ZNF407: variants seen among roughly 807,000 people sequenced by gnomAD.
The protein encoded by ZNF407 is zinc finger protein 407.
Under a neutral mutation model 131.2 loss-of-function variants are expected in ZNF407, and 17 were observed. The ratio of observed to expected loss-of-function variants is 0.13; its 90% CI spans 0.09 to 0.19. ZNF407 has a LOEUF of 0.19. Ranked by LOEUF, ZNF407 falls within the 10% of genes least tolerant of loss-of-function variation. The pLI is 1.00. For synonymous variants in ZNF407, 1,156 were observed against 1,062.0 expected, an observed-to-expected ratio of 1.09 and a Z score of -1.72; for missense variants, 2,681 against 2,830.6, an observed-to-expected ratio of 0.95 and a Z score of 1.20.
At chr18:74,982,665 A>T (rs531300518) in intron 8 of ZNF407, among the ~76,000 whole-genome samples, 2 of 152,184 alleles carry the variant, frequency 1.3e-5, no homozygotes, top group African/African-American at 4.8e-5. Context: ...TAGGAGCGTC[A>T]CCTCTGTTTC....
At chr18:75,006,473 T>G (rs1025984222) in intron 8 of ZNF407, among the ~76,000 whole-genome samples, 3 of 152,228 alleles carry the variant, frequency 2.0e-5, no homozygotes, top group African/African-American at 7.2e-5. Flanking sequence ...TGAGAATTTG[T>G]GTAATCCTTT....
chr18:74,994,049 C>A (rs974356164), intron 8 of ZNF407, among the ~76,000 whole-genome samples: 1 of 152,136 alleles, frequency 6.6e-6, no homozygotes, highest in Non-Finnish European at 1.5e-5. Context: ...TGCTATAAAC[C>A]ACATTGTTGG....
intron 4 of ZNF407, among the ~76,000 whole-genome samples, chr18:74,869,616 T>C (rs1568248391): frequency 6.6e-6 from 1 of 152,208 alleles, no homozygotes; most frequent in Non-Finnish European, 1.5e-5. Flanking sequence ...TGGGTTCTTT[T>C]ACCCTGTATA....
At chr18:75,038,142 G>A (rs1390647255) in intron 8 of ZNF407, among the ~76,000 whole-genome samples, 1 of 152,164 alleles carries the variant, frequency 6.6e-6, no homozygotes, top group Non-Finnish European at 1.5e-5. Flanking sequence ...AAAACATAAA[G>A]CTTTGTGGGT....
At chr18:75,039,381 T>C (rs1041822933) in intron 8 of ZNF407, among the ~76,000 whole-genome samples, 4 of 152,158 alleles carry the variant, frequency 2.6e-5, no homozygotes, top group Admixed American at 2.6e-4. Flanking sequence ...AACGTGTGGA[T>C]CCTTCAAAGG....
intron 4 of ZNF407, among the ~76,000 whole-genome samples, chr18:74,848,360 A>G (rs1212887861): frequency 6.6e-6 from 1 of 152,182 alleles, no homozygotes; most frequent in African/African-American, 2.4e-5. Flanking sequence ...TCTTGAAGGA[A>G]TTGAAACAAT....
chr18:74,873,329 T>C (rs1971113139), intron 4 of ZNF407, among the ~76,000 whole-genome samples: 2 of 152,196 alleles, frequency 1.3e-5, no homozygotes, highest in Non-Finnish European at 2.9e-5. Context: ...TTTGACTCTG[T>C]TATCAATCAT....
chr18:74,829,462 C>T (rs1207026451), intron 4 of ZNF407, among the ~76,000 whole-genome samples: 3 of 152,132 alleles, frequency 2.0e-5, no homozygotes, highest in African/African-American at 7.2e-5. Context: ...TCCTGGATCT[C>T]GATTTGACTT....
At chr18:74,819,494 T>G (rs1385447202) in intron 4 of ZNF407, among the ~76,000 whole-genome samples, 1 of 152,204 alleles carries the variant, frequency 6.6e-6, no homozygotes, top group Non-Finnish European at 1.5e-5. Flanking sequence ...AATGTCTTCC[T>G]TGGGCACTGA....
intron 8 of ZNF407, among the ~76,000 whole-genome samples, chr18:75,060,948 G>C (rs1323003302): frequency 6.6e-6 from 1 of 152,212 alleles, no homozygotes; most frequent in Admixed American, 6.5e-5. Context: ...GCCTGAGTAA[G>C]AGCTGGGCCA....
At chr18:74,755,885 CTTTTTTTT>C (rs34750560) in intron 3 of ZNF407, among the ~76,000 whole-genome samples, 18 of 25,830 alleles carry the variant, frequency 7.0e-4, no homozygotes, top group Admixed American at 1.7e-3. Context: ...CTTTTCCTTC[CTTTTTTTT>C]TTTTTTTTTT....
chr18:74,922,079 A>G (rs1227885987), intron 8 of ZNF407, among the ~76,000 whole-genome samples: 2 of 152,248 alleles, frequency 1.3e-5, no homozygotes, highest in Non-Finnish European at 2.9e-5. Context: ...ACAAACAAAA[A>G]CAGAGGTCTC....
chr18:74,951,788 G>A (rs1972217180), intron 8 of ZNF407, among the ~76,000 whole-genome samples: 1 of 151,550 alleles, frequency 6.6e-6, no homozygotes, highest in Admixed American at 6.6e-5. Flanking sequence ...CTTTCTAAAT[G>A]AAAAGTAAAA....
intron 8 of ZNF407, among the ~76,000 whole-genome samples, chr18:75,039,827 C>T (rs1973352055): frequency 6.8e-6 from 1 of 146,830 alleles, no homozygotes; most frequent in African/African-American, 2.5e-5. Context: ...AAATCATAGT[C>T]ATAAAGAAAA....
At chr18:74,798,962 C>G (rs1209607237) in intron 4 of ZNF407, among the ~76,000 whole-genome samples, 10 of 151,848 alleles carry the variant, frequency 6.6e-5, no homozygotes, top group Admixed American at 6.6e-4. Flanking sequence ...GGTTTACTAC[C>G]TTTTGTCTTA....
At position 75,052,116 on chromosome 18, in the gene ZNF407, G is replaced by A. The variant is rs558981516; in HGVS notation, c.5429-11034G>A. On this transcript the variant is annotated intron_variant, in intron 8 of 8. Transcript: ENST00000299687. ...AACACCGCTAGCAGTGCTTGCATAC[G>A]TGTGCATGTCCACGAAGGCGTGTGC... Among the ~76,000 whole-genome samples, 44 of 152,296 alleles carry A rather than the reference G, an allele frequency of 2.9e-4. 3 individuals carry two copies. The South Asian group carries it at 8.1e-3, about 28-fold the overall frequency.
At chr18:74,903,915 A>AGTGTATGGGATGTATGG (rs1971561725) in intron 7 of ZNF407, among the ~76,000 whole-genome samples, 2 of 152,312 alleles carry the variant, frequency 1.3e-5, no homozygotes, top group South Asian at 4.1e-4. Flanking sequence ...TATGTTTGGG[A>AGTGTATGGGATGTATGG]GATACTCTCC....
At position 75,032,697 on chromosome 18, in the gene ZNF407, G is replaced by A. The variant is rs192366410; in HGVS notation, c.5429-30453G>A. The stretch of plus-strand genomic sequence containing the variant: ...TAACTAAGACTGCTCAGAATGGGGG[G>A]AAGATAGTATTAGATAACTAAGAGT... On this transcript the variant is annotated intron_variant, in intron 8 of 8. Coordinates refer to ENST00000299687, the MANE Select transcript of ZNF407 (RefSeq NM_017757.3). Among the ~76,000 whole-genome samples the A allele has an allele frequency of 1.0e-3, 156 of 151,192 alleles. 1 individual carries two copies. The highest frequency in any genetic ancestry group is 3.8e-3 in the African/African-American group (155 of 40,662).
intron 3 of ZNF407, among the ~76,000 whole-genome samples, chr18:74,765,885 T>A (rs925760965): frequency 2.0e-5 from 3 of 152,144 alleles, no homozygotes; most frequent in Admixed American, 2.0e-4. Context: ...TTTCATACAT[T>A]TTTTGGATTT....
Sources: gnomAD v4.1 joint callset for allele counts (sites outside exome capture counted in the v4.1 genomes callset) on GRCh38, gnomAD v4.1.1 for gene constraint, MANE v1.5 for transcripts, NCBI Gene and HGNC (gene_info 2026-07-23, HGNC 2026-07-21) for gene names.